The following CEBPZOS variants were observed in gnomAD, a reference collection of about 807,000 sequenced individuals.
CEBPZOS encodes CEBPZ opposite strand.
CEBPZOS carries 10 observed loss-of-function variants against 4.8 expected under a neutral mutation model. That is an observed-to-expected ratio of 2.07 (90% confidence interval 1.28 to 3.52). The LOEUF (loss-of-function observed/expected upper bound fraction) is 3.52, where lower values mean the gene tolerates loss of function less well. Among genes scored for constraint, CEBPZOS ranks in the 30% most tolerant of loss-of-function variants. The pLI is 0.00. For missense variants in CEBPZOS, 98 were observed against 43.6 expected (o/e 2.25, Z -3.51); for synonymous variants, 25 against 14.2 (o/e 1.77, Z -1.72).
Position 37,203,881 on chromosome 2 carries a change from G to A in CEBPZOS, c.*2021G>A, listed in dbSNP as rs1276033623. Reference sequence around the variant, plus strand: ...TCCATGTTGTAGTACTCCATGCCATGTTGTGGGCTACATAATATTCCATTG... The same window carrying A: ...TCCATGTTGTAGTACTCCATGCCATATTGTGGGCTACATAATATTCCATTG... On this transcript the variant is annotated 3_prime_UTR_variant, in exon 5 of 5. Transcript: ENST00000402297. The A allele has an allele frequency of 2.0e-5, 3 of 152,088 alleles. No homozygotes were observed. Among genetic ancestry groups the A allele is most frequent in the East Asian group, 1.9e-4 (1 of 5,194 alleles). The allele number at this position is 152,088 out of a possible 1,614,324, so 9.4% of individuals were successfully genotyped here.
chr2:37,201,749 A>G, intron 4 of CEBPZOS, 23 bp downstream of exon 4: 2 of 1,306,286 alleles, frequency 1.5e-6, no homozygotes, highest in South Asian at 1.2e-5. Flanking sequence ...TTAATCTATA[A>G]TTTACATTAA....
intron 1 of CEBPZOS, chr2:37,197,488 C>T (rs1266831411): frequency 6.6e-6 from 1 of 152,288 alleles, no homozygotes. Flanking sequence ...TTTCTTAGCA[C>T]CACCCTCTCT....
chr2:37,202,770 T>A lies in CEBPZOS; in HGVS notation c.*910T>A. ...TATTTTTAAAACATCAATAAAAAAA[T>A]TTAAGTTACTTACTTGCATTATCTT... On this transcript the variant is annotated 3_prime_UTR_variant, in exon 5 of 5. Transcript: ENST00000402297. 2.0e-6 allele frequency: 3 copies of A among 1,495,800 alleles called. No individual in the cohort carries two copies. The highest frequency in any genetic ancestry group is 1.8e-6 in the Non-Finnish European group (2 of 1,114,278). 92.7% of individuals were successfully genotyped at this position (1,495,800 alleles called of 1,614,324 possible). A position where few individuals can be genotyped will look rare whatever the true frequency, so the allele number is the denominator to read the frequency against.
chr2:37,212,051 C>A (rs1178299205), intron 4 of CEBPZOS: 1 of 1,571,712 alleles, frequency 6.4e-7, no homozygotes, highest in Non-Finnish European at 8.6e-7. Flanking sequence ...TGGAAAAAAA[C>A]ACAACTTGTA....
chr2:37,208,558 T>C (rs897553332), downstream of CEBPZOS, among the ~76,000 whole-genome samples: 5 of 152,066 alleles, frequency 3.3e-5, no homozygotes, highest in South Asian at 6.2e-4. Flanking sequence ...ATCATCTCAA[T>C]AGACGCAGAA....
rs1677423664 is a variant in CEBPZOS at position 37,204,117 on chromosome 2, AG to A, written c.*2259del. The A allele has an allele frequency of 6.6e-6, 1 of 152,076 alleles. No individual in the cohort carries two copies. Among genetic ancestry groups the A allele is most frequent in the South Asian group, 2.1e-4 (1 of 4,822 alleles). The allele number at this position is 152,076 out of a possible 1,614,324, so 9.4% of individuals were successfully genotyped here. A position where few individuals can be genotyped will look rare whatever the true frequency, so the allele number is the denominator to read the frequency against. On this transcript the variant is annotated 3_prime_UTR_variant, in exon 5 of 5. Coordinates refer to ENST00000402297, the MANE Select transcript of CEBPZOS (RefSeq NM_001322374.2). Reference sequence around the variant, plus strand: ...TGTATAATACACATTTGCATGCATTAGGAAGTTTTTTTTGGGTTTTATTCAT... The same window carrying A: ...TGTATAATACACATTTGCATGCATTAGAAGTTTTTTTTGGGTTTTATTCAT...
At chr2:37,209,045 G>GC (rs1289247569), downstream of CEBPZOS, 1 of 31,456 alleles carries the variant, frequency 3.2e-5, no homozygotes, top group Non-Finnish European at 4.8e-5. Context: ...TACAACACCT[G>GC]CCAAAAAAAA....
At chr2:37,200,146 ATTGT>A (rs1281206163) in intron 2 of CEBPZOS, among the ~76,000 whole-genome samples, 5 of 152,130 alleles carry the variant, frequency 3.3e-5, no homozygotes, top group Non-Finnish European at 5.9e-5. Flanking sequence ...ATTATACTTC[ATTGT>A]TTGGTAGACT....
chr2:37,213,255 G>A (rs536935582), intron 4 of CEBPZOS, among the ~76,000 whole-genome samples: 35 of 152,180 alleles, frequency 2.3e-4, no homozygotes, highest in African/African-American at 8.4e-4. Context: ...ATTATGAATA[G>A]TAAAAAGGAT....
At position 37,201,661 on chromosome 2, in the gene CEBPZOS, G is replaced by C. The variant is rs1197239871; in HGVS notation, c.180G>C (p.Glu60Asp). ...FILEVYYKST[E>D]KSGMYGIREL... ...TTATAGTTTATTACAAATCCACTGAGAAGTCTGGAATGTATGGAATCAGAG... is the reference window on the plus strand; with the variant it reads ...TTATAGTTTATTACAAATCCACTGACAAGTCTGGAATGTATGGAATCAGAG... Residue 60 changes from glutamate to aspartate, a missense_variant, in exon 4 of 5, where the codon GAG becomes GAC. Transcript: ENST00000402297. 1.3e-6 allele frequency: 1 copy of C among 766,000 alleles called. No homozygotes were observed. The highest frequency in any genetic ancestry group is 2.3e-6 in the Non-Finnish European group (1 of 433,330). 47.5% of individuals were successfully genotyped at this position (766,000 alleles called of 1,614,324 possible).
intron 4 of CEBPZOS, among the ~76,000 whole-genome samples, chr2:37,212,845 A>AC (rs1677767261): frequency 6.7e-6 from 1 of 149,730 alleles, no homozygotes; most frequent in South Asian, 2.1e-4. Context: ...TAAAAAAAAA[A>AC]AAAAAACAAA....
At position 37,202,522 on chromosome 2, in the gene CEBPZOS, G is replaced by C; in HGVS notation, c.*662G>C. On this transcript the variant is annotated 3_prime_UTR_variant, in exon 5 of 5. Coordinates refer to ENST00000402297, the MANE Select transcript of CEBPZOS (RefSeq NM_001322374.2). ...TAGCTGGGCGTGGTGGTGCATGCCT[G>C]TAATCCCAGCTACTTGGGAGGCTAA... is the stretch of plus-strand genomic sequence containing the variant. 3 of 280,928 alleles carry C rather than the reference G, an allele frequency of 1.1e-5. No individual in the cohort carries two copies. The highest frequency in any genetic ancestry group is 2.0e-5 in the Non-Finnish European group (3 of 147,536). The allele number at this position is 280,928 out of a possible 1,614,324, so 17.4% of individuals were successfully genotyped here. A position where few individuals can be genotyped will look rare whatever the true frequency, so the allele number is the denominator to read the frequency against.
At position 37,201,937 on chromosome 2, in the gene CEBPZOS, C is replaced by T. The variant is rs745537375; in HGVS notation, c.*77C>T. 6.3e-7 allele frequency: 1 copy of T among 1,596,974 alleles called. No individual in the cohort carries two copies. Among genetic ancestry groups the T allele is most frequent in the Admixed American group, 1.8e-5 (1 of 57,128 alleles). ...GAAGAAGAAAAGATGAGTGTACTACCACACTGTAGACTCTTGGTGGTCCCA... is the reference window on the plus strand; with the variant it reads ...GAAGAAGAAAAGATGAGTGTACTACTACACTGTAGACTCTTGGTGGTCCCA... On this transcript the variant is annotated 3_prime_UTR_variant, in exon 5 of 5. Transcript: ENST00000402297.
chr2:37,214,280 A>T (rs1053930341), downstream of CEBPZOS, among the ~76,000 whole-genome samples: 8 of 152,174 alleles, frequency 5.3e-5, no homozygotes, highest in African/African-American at 1.9e-4. Flanking sequence ...GATTTTAAAA[A>T]ACAAGCCAAA....
chr2:37,204,347 G>C lies in CEBPZOS; in HGVS notation c.*2487G>C, dbSNP rs571996972. On this transcript the variant is annotated 3_prime_UTR_variant, in exon 5 of 5. Coordinates refer to ENST00000402297, the MANE Select transcript of CEBPZOS (RefSeq NM_001322374.2). ...GGCTGGAGTACAGGGGCGTGATCTCGGCTCACTGCAACCTCTGCCTTCTGG... is the reference window on the plus strand; with the variant it reads ...GGCTGGAGTACAGGGGCGTGATCTCCGCTCACTGCAACCTCTGCCTTCTGG... The C allele has an allele frequency of 1.4e-5, 2 of 144,920 alleles. No individual in the cohort carries two copies. Among genetic ancestry groups the C allele is most frequent in the Non-Finnish European group, 3.0e-5 (2 of 66,218 alleles). The allele number at this position is 144,920 out of a possible 1,614,324, so 9.0% of individuals were successfully genotyped here. A position where few individuals can be genotyped will look rare whatever the true frequency, so the allele number is the denominator to read the frequency against.
intron 1 of CEBPZOS, 105 bp from the exon 2 acceptor site, chr2:37,199,599 G>A: frequency 1.6e-6 from 1 of 643,632 alleles, no homozygotes; most frequent in South Asian, 1.8e-5. Context: ...CTCCCATACA[G>A]AGAAGCCATT....
At chr2:37,213,924 G>T, downstream of CEBPZOS, 1 of 1,588,646 alleles carries the variant, frequency 6.3e-7, no homozygotes. Context: ...TCTGCATCCC[G>T]TTTTTGTTTC....
At chr2:37,200,835 C>T (rs1677189885) in intron 2 of CEBPZOS, among the ~76,000 whole-genome samples, 1 of 152,060 alleles carries the variant, frequency 6.6e-6, no homozygotes, top group Non-Finnish European at 1.5e-5. Context: ...TGTGACTGTG[C>T]CACTGTACTG....
chr2:37,213,940 A>C (rs763976668), downstream of CEBPZOS: 4 of 1,576,520 alleles, frequency 2.5e-6, no homozygotes, highest in Non-Finnish European at 8.6e-7. Context: ...GTTTCTCTTT[A>C]ACAGCAACTT....
Sources: allele counts gnomAD v4.1 joint callset (sites outside exome capture counted in the v4.1 genomes callset), GRCh38; gene constraint gnomAD v4.1.1; transcripts MANE v1.5; gene names NCBI Gene and HGNC (gene_info 2026-07-23, HGNC 2026-07-21).